Variants in MGST2 observed in about 807,000 individuals in gnomAD.
The protein encoded by MGST2 is glutathione peroxidase MGST2.
In MGST2, 9 loss-of-function variants were observed where a neutral mutation model predicts 16.6. That is an observed-to-expected ratio of 0.54 (90% CI 0.33 to 0.95). The LOEUF is 0.95. MGST2 is among the 40% of genes least tolerant of loss of function. MGST2 has a pLI of 0.03. For synonymous variants in MGST2, 79 were observed against 68.0 expected (o/e 1.16, Z -0.79); for missense variants, 159 against 175.1 (o/e 0.91, Z 0.52).
intron 5 of MGST2, among the ~76,000 whole-genome samples, chr4:139,722,843 A>T (rs768380470): frequency 7.2e-5 from 11 of 152,246 alleles, no homozygotes; most frequent in Non-Finnish European, 1.3e-4. Context: ...TCCCAGATGC[A>T]TAACATCATG....
chr4:139,668,466 A>G (rs369722822), intron 1 of MGST2, among the ~76,000 whole-genome samples: 3 of 152,158 alleles, frequency 2.0e-5, no homozygotes, highest in African/African-American at 7.2e-5. Flanking sequence ...AAATACTTCA[A>G]TTTCTTTCAA....
intron 2 of MGST2, among the ~76,000 whole-genome samples, chr4:139,688,980 T>TGCCTGTAATCCCAGCTACTTGGGA: frequency 6.6e-6 from 1 of 151,992 alleles, no homozygotes; most frequent in East Asian, 1.9e-4. Context: ...TGGTGGCACA[T>TGCCTGTAATCCCAGCTACTTGGGA]GCCTGTAATC....
intron 5 of MGST2, among the ~76,000 whole-genome samples, chr4:139,721,791 T>C (rs915755479): frequency 2.0e-5 from 3 of 152,226 alleles, no homozygotes; most frequent in African/African-American, 7.2e-5. Context: ...TCATTATATC[T>C]AAGTGATTTT....
intron 5 of MGST2, chr4:139,720,082 G>T (rs1028379465): frequency 7.4e-6 from 12 of 1,614,088 alleles, no homozygotes; most frequent in Non-Finnish European, 1.0e-5. Context: ...TGCCACTTTG[G>T]TTTGGATGCT....
intron 5 of MGST2, among the ~76,000 whole-genome samples, chr4:139,738,066 A>AACCC (rs1729013793): frequency 6.6e-6 from 1 of 152,134 alleles, no homozygotes; most frequent in Admixed American, 6.6e-5. Flanking sequence ...ACATTGGGGG[A>AACCC]ACCCCACAGG....
chr4:139,684,058 G>T (rs1163777051), intron 2 of MGST2, among the ~76,000 whole-genome samples: 1 of 151,372 alleles, frequency 6.6e-6, no homozygotes, highest in Admixed American at 6.6e-5. Context: ...CCTGCGTACT[G>T]GGACTACAGG....
intron 2 of MGST2, among the ~76,000 whole-genome samples, chr4:139,682,284 A>ATGGGTATGGGTATGGGTAT (rs1731289136): frequency 2.0e-5 from 3 of 150,502 alleles, no homozygotes; most frequent in Non-Finnish European, 4.4e-5. Flanking sequence ...GCGTTGTAAG[A>ATGGGTATGGGTATGGGTAT]GGGTATGGGA....
chr4:139,669,444 T>TC (rs1730548936), intron 1 of MGST2, among the ~76,000 whole-genome samples: 1 of 152,206 alleles, frequency 6.6e-6, no homozygotes, highest in Non-Finnish European at 1.5e-5. Flanking sequence ...CAGCTGGGTG[T>TC]CCCCGTTCAG....
chr4:139,665,951 G>T lies in MGST2; in HGVS notation c.-69G>T. 4 of 1,500,574 alleles carry T rather than the reference G, an allele frequency of 2.7e-6. No individual in the cohort carries two copies. The allele number at this position is 1,500,574 out of a possible 1,614,324, so 93.0% of individuals were successfully genotyped here. ...CCAACTTTGTTTACCCGATAAGGAA[G>T]GTCAGCATTCAAAGTCAAGAAGCGC... On this transcript the variant is annotated 5_prime_UTR_variant, in exon 1 of 5. In the 5' UTR this introduces an upstream ATG that the reference lacks. Transcript: ENST00000265498.
chr4:139,673,416 T>G (rs1730807385), intron 1 of MGST2, among the ~76,000 whole-genome samples: 1 of 129,584 alleles, frequency 7.7e-6, no homozygotes, highest in Non-Finnish European at 1.5e-5. Context: ...ATTTTATTTA[T>G]TTTATTGTTA....
intron 2 of MGST2, among the ~76,000 whole-genome samples, chr4:139,686,692 G>A (rs1323341631): frequency 6.6e-6 from 1 of 152,162 alleles, no homozygotes; most frequent in Non-Finnish European, 1.5e-5. Context: ...CTCTTGTAAT[G>A]ATGTAAAATT....
the MGST2 span, among the ~76,000 whole-genome samples, chr4:139,747,343 A>G: frequency 6.6e-6 from 1 of 152,186 alleles, no homozygotes; most frequent in African/African-American, 2.4e-5. Flanking sequence ...TCCTTTTAGC[A>G]TCTGCATGCA....
At chr4:139,712,575 TA>T (rs1456039630) in intron 5 of MGST2, among the ~76,000 whole-genome samples, 1 of 152,192 alleles carries the variant, frequency 6.6e-6, no homozygotes, top group Non-Finnish European at 1.5e-5. Flanking sequence ...GAATCTCAGA[TA>T]AGACTTTTTA....
At chr4:139,730,643 G>A in intron 5 of MGST2, 2 of 1,612,818 alleles carry the variant, frequency 1.2e-6, no homozygotes, top group Non-Finnish European at 8.5e-7. Context: ...CCTGTGGTTC[G>A]GGGAAGTCCA....
rs1316014324 is a variant in MGST2 at position 139,714,477 on chromosome 4, G to A, written c.*48+10281G>A. Among the ~76,000 whole-genome samples, 2 of 152,164 alleles carry A rather than the reference G, an allele frequency of 1.3e-5. 1 individual carries two copies. The highest frequency in any genetic ancestry group is 2.9e-5 in the Non-Finnish European group (2 of 68,034). On this transcript the variant is annotated intron_variant, in intron 5 of 5. Coordinates refer to the MGST2 transcript ENST00000616265. Reference sequence around the variant, plus strand: ...TAGTGATCTGGCTTGTGGCACAACTGCCTTTGGGGGCCAAGCCGCATCATA... The same window carrying A: ...TAGTGATCTGGCTTGTGGCACAACTACCTTTGGGGGCCAAGCCGCATCATA...
rs561941753 is a variant in MGST2 at position 139,735,086 on chromosome 4, C to T, written c.*49-5126C>T. On this transcript the variant is annotated intron_variant, in intron 5 of 5. Transcript: ENST00000616265. This position sits in a 1 kb window ranked among gnomAD's most constrained non-coding sequence, Gnocchi z 5.8. Reference sequence around the variant, plus strand: ...GCCCGCCCCTCCGCGGCCCCCGCCCCGCGCGTCTGGGCGAGCGCTGCGAAC... The same window carrying T: ...GCCCGCCCCTCCGCGGCCCCCGCCCTGCGCGTCTGGGCGAGCGCTGCGAAC... 6.6e-5 allele frequency among the ~76,000 whole-genome samples: 10 copies of T among 152,324 alleles called. No homozygotes were observed. Among genetic ancestry groups the T allele is most frequent in the Non-Finnish European group, 1.5e-4 (10 of 68,022 alleles).
intron 1 of MGST2, among the ~76,000 whole-genome samples, chr4:139,675,687 G>C (rs1007738907): frequency 2.0e-5 from 3 of 152,230 alleles, no homozygotes; most frequent in Non-Finnish European, 2.9e-5. Flanking sequence ...GCAGAAGAGT[G>C]CAGCGGGCTG....
At chr4:139,724,805 C>T (rs950224315) in intron 5 of MGST2, among the ~76,000 whole-genome samples, 12 of 147,848 alleles carry the variant, frequency 8.1e-5, no homozygotes, top group Non-Finnish European at 1.0e-4. Flanking sequence ...GACAGAGTCT[C>T]GCTCTGTTGC....
At position 139,695,198 on chromosome 4, in the gene MGST2, C is replaced by A. The variant is rs1333741537; in HGVS notation, c.160C>A (p.Gln54Lys). The A allele has an allele frequency of 3.7e-6, 6 of 1,609,940 alleles. No individual in the cohort carries two copies. The African/African-American group carries it at 5.3e-5, about 14-fold the overall frequency. The change falls in exon 3 of 5, where the codon CAA (glutamine) becomes AAA (lysine). Residue 54 changes from glutamine (Q) to lysine (K), a missense_variant and splice_region_variant. Coordinates refer to ENST00000265498, the MANE Select transcript of MGST2 (RefSeq NM_002413.5). ...CTATGTCTTTATTTTTTTCTGCAGA[C>A]AAAACTGTGTGGAGTTTTATCCTAT... Reference protein sequence around the residue: ...PEFERVFRAQQNCVEFYPIFI... With the variant: ...PEFERVFRAQKNCVEFYPIFI...
Sources: gnomAD v4.1 joint callset for allele counts (sites outside exome capture counted in the v4.1 genomes callset) on GRCh38, gnomAD v4.1.1 for gene constraint, Gnocchi (gnomAD v3.1) non-coding constraint, MANE v1.5 for transcripts, NCBI Gene and HGNC (gene_info 2026-07-23, HGNC 2026-07-21) for gene names.